The following ZPLD1 variants were observed in gnomAD, a reference collection of about 807,000 sequenced individuals.
ZPLD1 encodes the protein zona pellucida-like domain-containing protein 1.
A neutral mutation model predicts 47.2 loss-of-function variants in ZPLD1; 34 were observed. The ratio of observed to expected loss-of-function variants is 0.72; its 90% CI spans 0.55 to 0.96. ZPLD1 has a LOEUF of 0.96. Ranked by LOEUF, ZPLD1 falls within the 40% of genes least tolerant of loss-of-function variation. The pLI is 0.00. For missense variants in ZPLD1, 512 were observed against 505.8 expected, an observed-to-expected ratio of 1.01 and a Z score of -0.12; for synonymous variants, 176 against 186.2, an observed-to-expected ratio of 0.95 and a Z score of 0.45.
intron 7 of ZPLD1, among the ~76,000 whole-genome samples, chr3:102,406,558 CTAA>C (rs1388565770): frequency 1.3e-5 from 2 of 151,916 alleles, no homozygotes; most frequent in Non-Finnish European, 2.9e-5. Flanking sequence ...GGACACTTCT[CTAA>C]ATGGTTGATC....
At chr3:102,465,772 C>G (rs1707582658) in intron 8 of ZPLD1, among the ~76,000 whole-genome samples, 1 of 151,894 alleles carries the variant, frequency 6.6e-6, no homozygotes, top group Non-Finnish European at 1.5e-5. Flanking sequence ...TTTTGTGAAT[C>G]TAGGAGGAAA....
intron 7 of ZPLD1, among the ~76,000 whole-genome samples, chr3:102,463,033 C>G (rs753634929): frequency 2.0e-5 from 3 of 152,126 alleles, no homozygotes; most frequent in African/African-American, 4.8e-5. Flanking sequence ...TTACCTTCTC[C>G]CTTCCTGTCC....
At chr3:102,425,662 C>T (rs1374053418) in intron 8 of ZPLD1, among the ~76,000 whole-genome samples, 2 of 151,936 alleles carry the variant, frequency 1.3e-5, no homozygotes, top group East Asian at 3.9e-4. Flanking sequence ...TTGTGTTTAG[C>T]GTTATGTCTT....
chr3:102,470,038 T>A (rs1707656989), intron 9 of ZPLD1, among the ~76,000 whole-genome samples: 1 of 151,996 alleles, frequency 6.6e-6, no homozygotes, highest in African/African-American at 2.4e-5. Flanking sequence ...AAATGGAGAG[T>A]CCACATTACC....
At chr3:102,410,266 T>C (rs144368513) in intron 7 of ZPLD1, among the ~76,000 whole-genome samples, 36 of 151,924 alleles carry the variant, frequency 2.4e-4, no homozygotes, top group African/African-American at 8.7e-4. Context: ...TGAGGACATT[T>C]TACTTTTTGT....
In ZPLD1 at chr3:102,457,936, T is replaced by A. The variant is rs968270414; in HGVS notation, c.582+83T>A. 8 of 1,367,906 alleles carry A rather than the reference T, an allele frequency of 5.8e-6. No individual in the cohort carries two copies. The East Asian group carries it at 9.2e-5, about 16-fold the overall frequency. The allele number at this position is 1,367,906 out of a possible 1,614,324, so 84.7% of individuals were successfully genotyped here. A position where few individuals can be genotyped will look rare whatever the true frequency, so the allele number is the denominator to read the frequency against. Reference sequence around the variant, plus strand: ...TGTGAATGGCTTTTATATAAAAATCTACTGAAAGCCACATTAACCCTGTTA... The same window carrying A: ...TGTGAATGGCTTTTATATAAAAATCAACTGAAAGCCACATTAACCCTGTTA... On this transcript the variant is annotated intron_variant, in intron 6 of 11. Coordinates refer to ENST00000466937, the MANE Select transcript of ZPLD1 (RefSeq NM_001329788.2).
chr3:102,461,968 C>T (rs1707512831), intron 6 of ZPLD1, among the ~76,000 whole-genome samples: 1 of 151,818 alleles, frequency 6.6e-6, no homozygotes, highest in African/African-American at 2.4e-5. Context: ...TAAATATTGA[C>T]CATTGAATAT....
intron 10 of ZPLD1, among the ~76,000 whole-genome samples, chr3:102,470,852 C>T (rs1414507728): frequency 6.7e-6 from 1 of 149,512 alleles, no homozygotes; most frequent in African/African-American, 2.5e-5. Context: ...GATCTCGGCT[C>T]ACTGCAACCT....
chr3:102,395,596 A>T (rs781762724), intron 7 of ZPLD1, among the ~76,000 whole-genome samples: 2 of 152,158 alleles, frequency 1.3e-5, no homozygotes, highest in Admixed American at 6.6e-5. Context: ...CCATAAGATC[A>T]ATTTGGGCTT....
intron 8 of ZPLD1, among the ~76,000 whole-genome samples, chr3:102,467,992 AAC>A (rs1202048945): frequency 6.6e-6 from 1 of 152,156 alleles, no homozygotes; most frequent in Non-Finnish European, 1.5e-5. Context: ...AATGGCCAAG[AAC>A]ACAACAGAAT....
chr3:102,434,997 A>G (rs1024505585), upstream of ZPLD1: 2 of 1,130,348 alleles, frequency 1.8e-6, no homozygotes, highest in African/African-American at 1.5e-5. Context: ...AGCCAGGATG[A>G]TATGTTTTTG....
chr3:102,423,303 C>G (rs1410526116), intron 8 of ZPLD1, among the ~76,000 whole-genome samples: 2 of 151,962 alleles, frequency 1.3e-5, no homozygotes, highest in Non-Finnish European at 2.9e-5. Context: ...TTACCAATGA[C>G]AAAAGACAAC....
intron 8 of ZPLD1, among the ~76,000 whole-genome samples, 179 bp downstream of exon 8, chr3:102,464,430 C>T (rs1379559812): frequency 6.6e-6 from 1 of 152,132 alleles, no homozygotes; most frequent in Non-Finnish European, 1.5e-5. Context: ...GAGCAGTTAT[C>T]AACACAAAAT....
At chr3:102,444,660 G>T (rs1312150598) in intron 3 of ZPLD1, among the ~76,000 whole-genome samples, 2 of 152,096 alleles carry the variant, frequency 1.3e-5, no homozygotes, top group African/African-American at 4.8e-5. Flanking sequence ...TAAAAAGATG[G>T]TATAAATTAG....
intron 7 of ZPLD1, among the ~76,000 whole-genome samples, chr3:102,413,433 TA>T (rs1227844045): frequency 6.6e-6 from 1 of 151,816 alleles, no homozygotes; most frequent in Non-Finnish European, 1.5e-5. Context: ...TTTACATTAT[TA>T]AATGATTTTT....
chr3:102,407,442 T>TATATATATATACAC (rs1553708474), intron 7 of ZPLD1, among the ~76,000 whole-genome samples: 25 of 95,494 alleles, frequency 2.6e-4, no homozygotes, highest in African/African-American at 5.1e-4. Flanking sequence ...TATATATATA[T>TATATATATATACAC]ACACACATAT....
At chr3:102,438,616 C>T (rs1246168716) in intron 3 of ZPLD1, 23 bp downstream of exon 3, 3 of 1,551,716 alleles carry the variant, frequency 1.9e-6, no homozygotes, top group Non-Finnish European at 2.7e-6. Context: ...CTAATCTATT[C>T]TCTAGTTGTT....
intron 7 of ZPLD1, among the ~76,000 whole-genome samples, chr3:102,400,460 T>C (rs1706607162): frequency 6.6e-6 from 1 of 151,978 alleles, no homozygotes; most frequent in Non-Finnish European, 1.5e-5. Context: ...GGCTGGAGGG[T>C]CCCAGGCTTC....
intron 10 of ZPLD1, 100 bp downstream of exon 10, chr3:102,470,602 A>G (rs1378760915): frequency 4.7e-6 from 4 of 849,480 alleles, no homozygotes; most frequent in African/African-American, 3.4e-5. Flanking sequence ...AAACAGCACT[A>G]ATTAATTGTG....
Sources: gnomAD v4.1 joint callset for allele counts (sites outside exome capture counted in the v4.1 genomes callset) on GRCh38, gnomAD v4.1.1 for gene constraint, MANE v1.5 for transcripts, NCBI Gene and HGNC (gene_info 2026-07-23, HGNC 2026-07-21) for gene names.